The following SYNCRIP variants were observed in gnomAD, a reference collection of about 807,000 sequenced individuals.
SYNCRIP encodes synaptotagmin binding cytoplasmic RNA interacting protein, also known as heterogeneous nuclear ribonucleoprotein Q.
In SYNCRIP, 9 loss-of-function variants were observed where a neutral mutation model predicts 68.9. The observed-to-expected ratio is 0.13, with a 90% CI of 0.08 to 0.23. The LOEUF is 0.23. Among genes scored for constraint, SYNCRIP ranks in the 10% least tolerant of loss-of-function variants. The probability of loss-of-function intolerance (pLI) is 1.00; values close to 1 mark genes in which losing one functional copy is unlikely to be tolerated. For missense variants in SYNCRIP, 414 were observed against 770.6 expected (o/e 0.54, Z 5.48); for synonymous variants, 258 against 254.0 (o/e 1.02, Z -0.15).
chr6:85,624,262 C>T (rs1000033818), intron 6 of SYNCRIP, 150 bp from the exon 7 acceptor site: 86 of 716,658 alleles, frequency 1.2e-4, no homozygotes, highest in Admixed American at 2.1e-4. Context: ...ATTATATTAA[C>T]AAGACCCATT....
intron 10 of SYNCRIP, 56 bp downstream of exon 10, chr6:85,618,762 A>T: frequency 7.0e-7 from 1 of 1,425,812 alleles, no homozygotes; most frequent in Admixed American, 2.1e-5. Context: ...TTATTTTCCA[A>T]TTAGTGTATA....
At chr6:85,635,875 T>C (rs1356304655) in intron 6 of SYNCRIP, among the ~76,000 whole-genome samples, 1 of 147,112 alleles carries the variant, frequency 6.8e-6, no homozygotes, top group Non-Finnish European at 1.5e-5. Context: ...AAGGAAGGGG[T>C]AAAACTCAGG....
At chr6:85,623,407 C>T (rs1468074096) in intron 7 of SYNCRIP, among the ~76,000 whole-genome samples, 1 of 151,258 alleles carries the variant, frequency 6.6e-6, no homozygotes, top group Non-Finnish European at 1.5e-5. Context: ...CTACAAAAGA[C>T]GCAAAAATTA....
intron 6 of SYNCRIP, among the ~76,000 whole-genome samples, chr6:85,625,861 C>G (rs571329582): frequency 1.2e-4 from 18 of 152,322 alleles, no homozygotes; most frequent in Admixed American, 2.0e-4. Context: ...ACCAACAGTT[C>G]TCAACAGGAG....
chr6:85,624,339 A>T (rs1806795034), intron 6 of SYNCRIP, among the ~76,000 whole-genome samples: 1 of 152,198 alleles, frequency 6.6e-6, no homozygotes, highest in African/African-American at 2.4e-5. Context: ...ATTAATTAGA[A>T]ATCAGATCTG....
Position 85,641,393 on chromosome 6 carries a change from T to G in SYNCRIP, c.47A>C (p.Asp16Ala), listed in dbSNP as rs554052753. The G allele has an allele frequency of 1.2e-6, 2 of 1,613,638 alleles. No homozygotes were observed. The highest frequency in any genetic ancestry group is 2.2e-5 in the East Asian group (1 of 44,878). ...VNGNGTEEPM[D>A]TTSAVIHSEN... is the part of the protein sequence containing the mutation. ...TGAATGGATAACTGCAGAAGTAGTATCCATGGGCTCTTCAGTACCATTTCC... is the reference window on the plus strand; with the variant it reads ...TGAATGGATAACTGCAGAAGTAGTAGCCATGGGCTCTTCAGTACCATTTCC... The change falls in exon 2 of 11, where the codon GAT becomes GCT. Residue 16 changes from aspartate (D) to alanine (A), a missense_variant. Around this residue, in one of 6 missense-constraint regions of SYNCRIP, gnomAD observed 51 missense variants for 63.7 expected, o/e 0.80. Coordinates refer to ENST00000369622, the MANE Select transcript of SYNCRIP (RefSeq NM_006372.5).
intron 6 of SYNCRIP, among the ~76,000 whole-genome samples, chr6:85,633,344 C>G (rs1808051415): frequency 2.0e-5 from 3 of 152,024 alleles, no homozygotes; most frequent in Admixed American, 1.3e-4. Flanking sequence ...CACCTGTACT[C>G]CCAGCACTTT....
chr6:85,633,463 C>T (rs1376964806), intron 6 of SYNCRIP, among the ~76,000 whole-genome samples: 1 of 151,134 alleles, frequency 6.6e-6, no homozygotes, highest in African/African-American at 2.4e-5. Flanking sequence ...TGGTGGTGTG[C>T]ACCTGTAATC....
chr6:85,617,070 C>T (rs897567501), intron 10 of SYNCRIP, among the ~76,000 whole-genome samples: 1 of 152,052 alleles, frequency 6.6e-6, no homozygotes, highest in Non-Finnish European at 1.5e-5. Context: ...CCACTACTTA[C>T]TATGTGAATG....
chr6:85,609,466 A>G (rs1027940792), downstream of SYNCRIP: 4 of 151,908 alleles, frequency 2.6e-5, no homozygotes, highest in Admixed American at 1.3e-4. Flanking sequence ...TCATGAGGAA[A>G]CTTTACATTT....
At chr6:85,622,745 G>A in intron 7 of SYNCRIP, 58 bp from the exon 8 acceptor site, 1 of 1,347,958 alleles carries the variant, frequency 7.4e-7, no homozygotes, top group East Asian at 2.3e-5. Flanking sequence ...AATACAAGTG[G>A]ATCAAAGGAT....
At position 85,630,240 on chromosome 6, in the gene SYNCRIP, T is replaced by C. The variant is rs534824105; in HGVS notation, c.667-6128A>G. Among the ~76,000 whole-genome samples, 41 of 152,130 alleles carry C rather than the reference T, an allele frequency of 2.7e-4. No homozygotes were observed. In the Middle Eastern group the frequency reaches 0.01, roughly 38 times the overall value. Reference sequence around the variant, plus strand: ...AGCCGGGTGTGGTGGCAGGCGCCTGTAGTCCCAGCTACTCGGAGGCTGAGT... The same window carrying C: ...AGCCGGGTGTGGTGGCAGGCGCCTGCAGTCCCAGCTACTCGGAGGCTGAGT... On this transcript the variant is annotated intron_variant, in intron 6 of 10. Coordinates refer to ENST00000369622, the MANE Select transcript of SYNCRIP (RefSeq NM_006372.5).
chr6:85,627,127 G>A (rs947026722), intron 6 of SYNCRIP, among the ~76,000 whole-genome samples: 1 of 152,008 alleles, frequency 6.6e-6, no homozygotes, highest in Non-Finnish European at 1.5e-5. Flanking sequence ...AATTAGCCGG[G>A]AGTGGTGGCA....
At chr6:85,643,199 G>C (rs1374264614), upstream of SYNCRIP, 1 of 152,032 alleles carries the variant, frequency 6.6e-6, no homozygotes. Context: ...CGGTCGCTCA[G>C]GCACGAGTGG....
At chr6:85,631,203 C>A (rs1181590930) in intron 6 of SYNCRIP, among the ~76,000 whole-genome samples, 1 of 152,028 alleles carries the variant, frequency 6.6e-6, no homozygotes, top group Non-Finnish European at 1.5e-5. Flanking sequence ...ATCAGCCAGG[C>A]GTGGTGGCAC....
chr6:85,617,662 A>T (rs1805939297), intron 10 of SYNCRIP, among the ~76,000 whole-genome samples: 1 of 152,254 alleles, frequency 6.6e-6, no homozygotes, highest in South Asian at 2.1e-4. Context: ...TGAGGTTCAG[A>T]GCTTGCCAAC....
Position 85,624,122 on chromosome 6 carries a change from G to A in SYNCRIP, c.667-10C>T, listed in dbSNP as rs1276754583. ...TTTCATGATTATTATACTGAAAGGG[G>A]AAAAAGTGCATCATGTTTTTAAATT... On this transcript the variant is annotated splice_polypyrimidine_tract_variant and intron_variant, in intron 6 of 10. Coordinates refer to ENST00000369622, the MANE Select transcript of SYNCRIP (RefSeq NM_006372.5). 5 of 1,607,228 alleles carry A rather than the reference G, an allele frequency of 3.1e-6. No individual in the cohort carries two copies. The highest frequency in any genetic ancestry group is 2.2e-5 in the East Asian group (1 of 44,784).
chr6:85,628,754 T>C (rs917970612), intron 6 of SYNCRIP, among the ~76,000 whole-genome samples: 3 of 152,226 alleles, frequency 2.0e-5, no homozygotes, highest in African/African-American at 7.2e-5. Context: ...TACTTAACTT[T>C]AGTCAATTCC....
At chr6:85,640,100 G>A (rs930854547) in intron 4 of SYNCRIP, 121 bp downstream of exon 4, 6 of 704,766 alleles carry the variant, frequency 8.5e-6, no homozygotes, top group African/African-American at 3.6e-5. Flanking sequence ...AAGGAATTAG[G>A]AAAGATTGAT....
Sources: allele counts gnomAD v4.1 joint callset (sites outside exome capture counted in the v4.1 genomes callset), GRCh38; gene constraint gnomAD v4.1.1; regional missense constraint gnomAD v4.1.1; transcripts MANE v1.5; gene names NCBI Gene and HGNC (gene_info 2026-07-23, HGNC 2026-07-21).